ZSWIM5: variants seen among roughly 807,000 people sequenced by gnomAD.
The protein encoded by ZSWIM5 is zinc finger SWIM-type containing 5.
ZSWIM5 carries 55 observed loss-of-function variants against 119.6 expected under a neutral mutation model. The ratio of observed to expected loss-of-function variants is 0.46; its 90% confidence interval spans 0.37 to 0.58. The LOEUF (loss-of-function observed/expected upper bound fraction) is 0.58, where lower values mean the gene tolerates loss of function less well. Among genes scored for constraint, ZSWIM5 ranks in the 20% least tolerant of loss-of-function variants. ZSWIM5 has a pLI of 0.00. For synonymous variants in ZSWIM5, 537 were observed against 606.9 expected, an observed-to-expected ratio of 0.88 and a Z score of 1.69; for missense variants, 1,193 against 1,512.8, an observed-to-expected ratio of 0.79 and a Z score of 3.51.
At chr1:45,162,795 C>G (rs990330017) in intron 1 of ZSWIM5, among the ~76,000 whole-genome samples, 1 of 152,210 alleles carries the variant, frequency 6.6e-6, no homozygotes, top group Non-Finnish European at 1.5e-5. Context: ...ATTGCTGAGG[C>G]TTGAGCAGGT....
intron 1 of ZSWIM5, among the ~76,000 whole-genome samples, chr1:45,120,283 G>A (rs183585652): frequency 9.9e-5 from 15 of 152,266 alleles, no homozygotes; most frequent in East Asian, 3.9e-4. Context: ...GGGGGAGGTC[G>A]CAGTGAGCCG....
intron 1 of ZSWIM5, among the ~76,000 whole-genome samples, chr1:45,190,926 A>ATTTTTTTTTTTTTTT: frequency 1.4e-5 from 1 of 72,244 alleles, no homozygotes; most frequent in Admixed American, 1.5e-4. Context: ...AAATAGCTGG[A>ATTTTTTTTTTTTTTT]ATTTTTTTTT....
At chr1:45,117,118 G>T (rs1249970758) in intron 1 of ZSWIM5, among the ~76,000 whole-genome samples, 1 of 152,128 alleles carries the variant, frequency 6.6e-6, no homozygotes, top group African/African-American at 2.4e-5. Flanking sequence ...ACAGAAAAAA[G>T]GAATTTTTAT....
intron 8 of ZSWIM5, among the ~76,000 whole-genome samples, chr1:45,038,120 A>G (rs760903051): frequency 7.2e-5 from 11 of 152,218 alleles, no homozygotes; most frequent in Non-Finnish European, 1.6e-4. Flanking sequence ...AAAAAGAATC[A>G]ATTTTGTCTC....
intron 1 of ZSWIM5, among the ~76,000 whole-genome samples, chr1:45,090,338 G>C (rs346684): frequency 0.14 from 21,322 of 152,112 alleles, 1,546 homozygotes; most frequent in Non-Finnish European, 0.16. Context: ...TTTTTTCTCA[G>C]CAAAACAAGC....
chr1:45,098,025 A>T (rs1366569192), intron 1 of ZSWIM5, among the ~76,000 whole-genome samples: 2 of 152,176 alleles, frequency 1.3e-5, no homozygotes, highest in Non-Finnish European at 2.9e-5. Context: ...AATAAGTAGG[A>T]ATTAATTAGG....
intron 6 of ZSWIM5, among the ~76,000 whole-genome samples, chr1:45,041,832 C>G (rs1411037761): frequency 1.3e-5 from 2 of 152,180 alleles, no homozygotes; most frequent in Non-Finnish European, 2.9e-5. Flanking sequence ...GCCACTGCGC[C>G]CAGCCTAGTA....
intron 1 of ZSWIM5, among the ~76,000 whole-genome samples, chr1:45,182,511 G>A (rs530775430): frequency 1.8e-4 from 28 of 152,132 alleles, no homozygotes; most frequent in African/African-American, 4.6e-4. Flanking sequence ...CCCATCTCAC[G>A]TGCAGAGACA....
intron 1 of ZSWIM5, among the ~76,000 whole-genome samples, chr1:45,124,090 C>T (rs1309993753): frequency 2.0e-5 from 3 of 151,924 alleles, no homozygotes; most frequent in African/African-American, 4.8e-5. Flanking sequence ...CTGCTGTCTA[C>T]CCTAAAACAG....
At chr1:45,065,806 G>T (rs977317731) in intron 2 of ZSWIM5, among the ~76,000 whole-genome samples, 1 of 152,050 alleles carries the variant, frequency 6.6e-6, no homozygotes, top group African/African-American at 2.4e-5. Flanking sequence ...AAAGTCATTT[G>T]GGAAGAGAAT....
intron 1 of ZSWIM5, among the ~76,000 whole-genome samples, chr1:45,097,518 A>G (rs1295896898): frequency 6.6e-6 from 1 of 152,180 alleles, no homozygotes; most frequent in Non-Finnish European, 1.5e-5. Context: ...CTGAGACATA[A>G]TCATTTCACA....
chr1:45,205,728 A>G, intron 1 of ZSWIM5, 28 bp downstream of exon 1: 1 of 1,522,954 alleles, frequency 6.6e-7, no homozygotes, highest in Non-Finnish European at 8.8e-7. Flanking sequence ...GAGGCTGAGG[A>G]CCCGAGAACG....
chr1:45,153,756 G>A (rs1022105905), intron 1 of ZSWIM5, among the ~76,000 whole-genome samples: 5 of 151,476 alleles, frequency 3.3e-5, no homozygotes, highest in East Asian at 1.9e-4. Flanking sequence ...GCAATCAGAC[G>A]AGACAAAGAA....
In ZSWIM5 at chr1:45,164,519, G is replaced by C. The variant is rs548285680; in HGVS notation, c.595+41237C>G. ...CTAAATGCTCCAATTAAAAGACACA[G>C]ACTGGCAAATTGGATAAAGAGTCAA... On this transcript the variant is annotated intron_variant, in intron 1 of 13. Transcript: ENST00000359600. Among the ~76,000 whole-genome samples, 7 of 152,192 alleles carry C rather than the reference G, an allele frequency of 4.6e-5. No individual in the cohort carries two copies. The East Asian group carries it at 1.3e-3, about 29-fold the overall frequency.
At position 45,019,987 on chromosome 1, in the gene ZSWIM5, TA is replaced by T; in HGVS notation, c.2695+78del. On this transcript the variant is annotated intron_variant, in intron 13 of 13. Transcript: ENST00000359600. The surrounding 1 kb of genome is among the most constrained non-coding windows in gnomAD (Gnocchi z 5.0). The stretch of plus-strand genomic sequence containing the variant: ...AGATCTCATAGGAATATGAGAGCTC[TA>T]AGGATTGATTGTCCTGTCCCAAGAG... 8 of 1,244,340 alleles carry T rather than the reference TA, an allele frequency of 6.4e-6. No individual in the cohort carries two copies. Among genetic ancestry groups the T allele is most frequent in the Non-Finnish European group, 9.4e-6 (8 of 853,674 alleles). The allele number at this position is 1,244,340 out of a possible 1,614,324, so 77.1% of individuals were successfully genotyped here. A position where few individuals can be genotyped will look rare whatever the true frequency, so the allele number is the denominator to read the frequency against.
At chr1:45,085,533 T>G (rs556494327) in intron 2 of ZSWIM5, among the ~76,000 whole-genome samples, 1 of 149,260 alleles carries the variant, frequency 6.7e-6, no homozygotes. Flanking sequence ...TGTTTGTTTT[T>G]TTTTTTTTTT....
At chr1:45,067,850 T>C (rs1460603700) in intron 2 of ZSWIM5, among the ~76,000 whole-genome samples, 1 of 152,250 alleles carries the variant, frequency 6.6e-6, no homozygotes, top group Non-Finnish European at 1.5e-5. Context: ...CACTTATCTT[T>C]AGTAACAGTA....
intron 12 of ZSWIM5, 90 bp downstream of exon 12, chr1:45,020,535 C>T: frequency 6.9e-7 from 1 of 1,459,292 alleles, no homozygotes. Context: ...CCAGACTTGG[C>T]CTATGCCCAG....
At chr1:45,147,203 A>C (rs1459676707) in intron 1 of ZSWIM5, among the ~76,000 whole-genome samples, 1 of 152,004 alleles carries the variant, frequency 6.6e-6, no homozygotes, top group Non-Finnish European at 1.5e-5. Context: ...CTTCCTGAGT[A>C]GCTGGGACCA....
Sources: gnomAD v4.1 joint callset for allele counts (sites outside exome capture counted in the v4.1 genomes callset) on GRCh38, gnomAD v4.1.1 for gene constraint, Gnocchi (gnomAD v3.1) non-coding constraint, MANE v1.5 for transcripts, NCBI Gene and HGNC (gene_info 2026-07-23, HGNC 2026-07-21) for gene names.